Variants in STMN2 observed in about 807,000 individuals in gnomAD.
STMN2 encodes the protein stathmin 2, also known as stathmin-2.
Under a neutral mutation model 24.1 loss-of-function variants are expected in STMN2, and 2 were observed. That is an observed-to-expected ratio of 0.08 (90% CI 0.03 to 0.26). STMN2 has a LOEUF of 0.26. Among genes scored for constraint, STMN2 ranks in the 10% least tolerant of loss-of-function variants. The probability of loss-of-function intolerance (pLI) is 1.00; values close to 1 mark genes in which losing one functional copy is unlikely to be tolerated. For synonymous variants in STMN2, 83 were observed against 77.5 expected, an observed-to-expected ratio of 1.07 and a Z score of -0.37; for missense variants, 114 against 213.6, an observed-to-expected ratio of 0.53 and a Z score of 2.91.
intron 4 of STMN2, among the ~76,000 whole-genome samples, chr8:79,658,292 C>A (rs564916294): frequency 6.6e-6 from 1 of 152,104 alleles, no homozygotes; most frequent in East Asian, 1.9e-4. Flanking sequence ...GGAAACAGAA[C>A]AAGACCCTGT....
chr8:79,647,940 G>A (rs531969908), intron 3 of STMN2, among the ~76,000 whole-genome samples: 1 of 152,332 alleles, frequency 6.6e-6, no homozygotes, highest in Non-Finnish European at 1.5e-5. Flanking sequence ...AGAGGCAGCA[G>A]AGTTAGCATA....
At chr8:79,654,595 T>C (rs76596890) in intron 3 of STMN2, among the ~76,000 whole-genome samples, 2 of 152,156 alleles carry the variant, frequency 1.3e-5, no homozygotes, top group African/African-American at 4.8e-5. Flanking sequence ...AGCCTTTTTT[T>C]AAAAAAATTT....
intron 4 of STMN2, chr8:79,663,617 T>C (rs938848808): frequency 2.0e-6 from 3 of 1,531,444 alleles, no homozygotes; most frequent in Non-Finnish European, 2.6e-6. Flanking sequence ...AAAGAATCTA[T>C]AGAGTCTCAA....
At chr8:79,650,514 T>G (rs1810312560) in intron 3 of STMN2, among the ~76,000 whole-genome samples, 1 of 152,222 alleles carries the variant, frequency 6.6e-6, no homozygotes, top group Non-Finnish European at 1.5e-5. Flanking sequence ...ATTTTCTCAT[T>G]GATTAAACTG....
At position 79,664,881 on chromosome 8, in the gene STMN2, G is replaced by A. The variant is rs772919209; in HGVS notation, c.*7G>A. The stretch of plus-strand genomic sequence containing the variant: ...GGTTGAACTGTCTGGCTGAAGCAAG[G>A]GAGGGTCTGGCACGCCCCACCAATA... On this transcript the variant is annotated 3_prime_UTR_variant, in exon 5 of 5. Coordinates refer to ENST00000220876, the MANE Select transcript of STMN2 (RefSeq NM_007029.4). The A allele has an allele frequency of 2.5e-6, 4 of 1,612,432 alleles. No individual in the cohort carries two copies. The highest frequency in any genetic ancestry group is 3.3e-5 in the Admixed American group (2 of 59,866).
chr8:79,630,944 A>G (rs1809786509), intron 1 of STMN2, among the ~76,000 whole-genome samples: 1 of 152,198 alleles, frequency 6.6e-6, no homozygotes, highest in African/African-American at 2.4e-5. Context: ...GGTGATAAAA[A>G]TCTTGACACA....
At chr8:79,626,109 A>G (rs1809648509) in intron 1 of STMN2, among the ~76,000 whole-genome samples, 1 of 151,636 alleles carries the variant, frequency 6.6e-6, no homozygotes, top group Non-Finnish European at 1.5e-5. Flanking sequence ...CATTTTGTGG[A>G]TAAATAAACT....
chr8:79,613,983 A>T (rs1016231846), intron 1 of STMN2, among the ~76,000 whole-genome samples: 1 of 149,824 alleles, frequency 6.7e-6, no homozygotes, highest in Admixed American at 6.7e-5. Flanking sequence ...ACATAAGGTT[A>T]TATCTATAAA....
chr8:79,617,733 T>G (rs1809416785), intron 1 of STMN2, among the ~76,000 whole-genome samples: 1 of 152,248 alleles, frequency 6.6e-6, no homozygotes, highest in Non-Finnish European at 1.5e-5. Context: ...TCTTCCTATT[T>G]CTTTACTCAA....
At chr8:79,612,758 A>G (rs1809271094) in intron 1 of STMN2, among the ~76,000 whole-genome samples, 1 of 152,220 alleles carries the variant, frequency 6.6e-6, no homozygotes, top group South Asian at 2.1e-4. Context: ...AAAGGACTCC[A>G]TCTGCGCGGC....
In STMN2 at chr8:79,658,508, T is replaced by C. The variant is rs563059671; in HGVS notation, c.480+3446T>C. Reference sequence around the variant, plus strand: ...CCAACAATTAGAGAATAAGACAACATGTAGTATGGTCCAATATAGACAGTA... The same window carrying C: ...CCAACAATTAGAGAATAAGACAACACGTAGTATGGTCCAATATAGACAGTA... On this transcript the variant is annotated intron_variant, in intron 4 of 4. Transcript: ENST00000220876. Among the ~76,000 whole-genome samples, 40 of 152,258 alleles carry C rather than the reference T, an allele frequency of 2.6e-4. 1 individual carries two copies. In the South Asian group the frequency reaches 8.3e-3, roughly 32 times the overall value.
intron 1 of STMN2, among the ~76,000 whole-genome samples, chr8:79,619,478 G>T (rs1402622853): frequency 6.6e-6 from 1 of 152,014 alleles, no homozygotes; most frequent in Non-Finnish European, 1.5e-5. Context: ...TTCCTAGTGA[G>T]GAGCAACCTA....
At chr8:79,616,434 C>A (rs866671099) in intron 1 of STMN2, among the ~76,000 whole-genome samples, 6 of 152,192 alleles carry the variant, frequency 3.9e-5, no homozygotes, top group Middle Eastern at 3.4e-3. Flanking sequence ...TAATTCTAAT[C>A]CAGCTATAAA....
At chr8:79,632,215 G>GTA (rs143929230) in intron 1 of STMN2, among the ~76,000 whole-genome samples, 2 of 152,054 alleles carry the variant, frequency 1.3e-5, no homozygotes, top group African/African-American at 4.8e-5. Context: ...TTTCTGCCAC[G>GTA]TATATATAAA....
At chr8:79,612,283 G>T (rs1382155563) in intron 1 of STMN2, among the ~76,000 whole-genome samples, 1 of 152,220 alleles carries the variant, frequency 6.6e-6, no homozygotes, top group Admixed American at 6.5e-5. Context: ...GATGGGAAAA[G>T]TGGGTTAACA....
chr8:79,613,567 T>C, intron 1 of STMN2: 1 of 985,492 alleles, frequency 1.0e-6, no homozygotes. Context: ...CGCTGCAGGC[T>C]AGTGGCTGCA....
chr8:79,617,110 G>A (rs779935253), intron 1 of STMN2, among the ~76,000 whole-genome samples: 7 of 150,530 alleles, frequency 4.7e-5, no homozygotes, highest in Non-Finnish European at 7.4e-5. Context: ...TGAATACCAT[G>A]TGAGAAAATT....
chr8:79,612,054 G>A (rs1809243286), intron 1 of STMN2, among the ~76,000 whole-genome samples: 1 of 148,458 alleles, frequency 6.7e-6, no homozygotes, highest in Admixed American at 6.8e-5. Context: ...CACCCAGTGC[G>A]GAACCGCGCA....
intron 1 of STMN2, among the ~76,000 whole-genome samples, chr8:79,614,376 C>T (rs1489877701): frequency 6.6e-6 from 1 of 152,096 alleles, no homozygotes; most frequent in East Asian, 1.9e-4. Flanking sequence ...GAAGTGGGCA[C>T]CTTCTGAATG....
Sources: allele counts gnomAD v4.1 joint callset (sites outside exome capture counted in the v4.1 genomes callset), GRCh38; gene constraint gnomAD v4.1.1; transcripts MANE v1.5; gene names NCBI Gene and HGNC (gene_info 2026-07-23, HGNC 2026-07-21).